The following FAM118B variants were observed in gnomAD, a reference collection of about 807,000 sequenced individuals.
FAM118B encodes the protein protein FAM118B.
A neutral mutation model predicts 38.5 loss-of-function variants in FAM118B; 24 were observed. The observed-to-expected ratio is 0.62, with a 90% CI of 0.45 to 0.88. FAM118B has a LOEUF of 0.88. Ranked by LOEUF, FAM118B falls within the 40% of genes least tolerant of loss-of-function variation. The pLI is 0.00. For missense variants in FAM118B, 334 were observed against 420.0 expected (o/e 0.80, Z 1.79); for synonymous variants, 138 against 156.3 (o/e 0.88, Z 0.87).
At chr11:126,231,322 G>A (rs181639626) in intron 2 of FAM118B, among the ~76,000 whole-genome samples, 144 of 152,224 alleles carry the variant, frequency 9.5e-4, no homozygotes, top group Non-Finnish European at 1.6e-3. Context: ...AAACTCAAAC[G>A]TGATCACATA....
At position 126,254,357 on chromosome 11, in the gene FAM118B, G is replaced by A; in HGVS notation, c.620G>A (p.Gly207Glu). ...KRKLSVLHIH[G>E]VYTNPSGIVL... ...AAGCTGAGCGTGTTGCATATTCACGGAGTCTACACCAACCCTAGTGGCATT... is the reference window on the plus strand; with the variant it reads ...AAGCTGAGCGTGTTGCATATTCACGAAGTCTACACCAACCCTAGTGGCATT... The change falls in exon 6 of 9, where the codon GGA becomes GAA. Residue 207 changes from glycine (G) to glutamate (E), a missense_variant. Physicochemically the swap from Gly to Glu is moderately conservative, Grantham distance 98. Coordinates refer to ENST00000533050, the MANE Select transcript of FAM118B (RefSeq NM_024556.4). 1 of 1,613,736 alleles carries A rather than the reference G, an allele frequency of 6.2e-7. No individual in the cohort carries two copies.
intron 3 of FAM118B, among the ~76,000 whole-genome samples, chr11:126,237,626 G>T (rs1950294706): frequency 7.1e-6 from 1 of 141,092 alleles, no homozygotes; most frequent in African/African-American, 2.6e-5. Flanking sequence ...CGTGAGGTCA[G>T]GAGATCGAGA....
chr11:126,256,461 G>C lies in FAM118B; in HGVS notation c.697-106G>C. 2 of 996,038 alleles carry C rather than the reference G, an allele frequency of 2.0e-6. No homozygotes were observed. Among genetic ancestry groups the C allele is most frequent in the Non-Finnish European group, 1.5e-6 (1 of 677,124 alleles). The allele number at this position is 996,038 out of a possible 1,614,324, so 61.7% of individuals were successfully genotyped here. ...GGACATACCAACCCACTTAAGTCTTGCTTAATTGGTCATCACAGTCTGCTC... is the reference window on the plus strand; with the variant it reads ...GGACATACCAACCCACTTAAGTCTTCCTTAATTGGTCATCACAGTCTGCTC... On this transcript the variant is annotated intron_variant, in intron 6 of 8. Transcript: ENST00000533050. The surrounding 1 kb of genome is among the most constrained non-coding windows in gnomAD (Gnocchi z 6.6).
chr11:126,226,535 C>T (rs1211855870), intron 1 of FAM118B, among the ~76,000 whole-genome samples: 1 of 152,242 alleles, frequency 6.6e-6, no homozygotes, highest in Non-Finnish European at 1.5e-5. Context: ...GGCCCTTCAG[C>T]AATTTAACAG....
At chr11:126,251,528 T>C (rs1216804132) in intron 5 of FAM118B, among the ~76,000 whole-genome samples, 3 of 152,194 alleles carry the variant, frequency 2.0e-5, no homozygotes, top group Non-Finnish European at 4.4e-5. Context: ...AGCTGCCCCA[T>C]GAAGACTAGT....
intron 2 of FAM118B, among the ~76,000 whole-genome samples, chr11:126,232,815 T>C (rs1256186068): frequency 3.3e-5 from 5 of 152,260 alleles, no homozygotes; most frequent in Non-Finnish European, 4.4e-5. Context: ...AAACACATTC[T>C]ACCCCTAGTT....
At chr11:126,245,209 G>A (rs1950404557) in intron 4 of FAM118B, 1 of 152,110 alleles carries the variant, frequency 6.6e-6, no homozygotes, top group South Asian at 2.1e-4. Flanking sequence ...AAACTCTCAT[G>A]CTGATCAGTA....
At chr11:126,241,840 G>C (rs896623561) in intron 4 of FAM118B, among the ~76,000 whole-genome samples, 1 of 152,026 alleles carries the variant, frequency 6.6e-6, no homozygotes, top group African/African-American at 2.4e-5. Context: ...ATGAGCCACT[G>C]CACCCAGCCT....
In FAM118B at chr11:126,250,064, A is replaced by G. The variant is rs1398346471; in HGVS notation, c.340-442A>G. On this transcript the variant is annotated intron_variant, in intron 4 of 8. Coordinates refer to ENST00000533050, the MANE Select transcript of FAM118B (RefSeq NM_024556.4). The surrounding 1 kb of genome is among the most constrained non-coding windows in gnomAD (Gnocchi z 5.1). ...ATCTCATCTTCCTTATTACGTTCGT[A>G]TGAGATAGATAATATTTTATCCCCG... Among the ~76,000 whole-genome samples, 1 of 151,374 alleles carries G rather than the reference A, an allele frequency of 6.6e-6. No homozygotes were observed. Among genetic ancestry groups the G allele is most frequent in the Non-Finnish European group, 1.5e-5 (1 of 67,922 alleles).
intron 6 of FAM118B, among the ~76,000 whole-genome samples, chr11:126,254,993 T>C (rs1475726564): frequency 6.6e-6 from 1 of 152,244 alleles, no homozygotes; most frequent in Non-Finnish European, 1.5e-5. Flanking sequence ...ATTGGCATCA[T>C]CTTCACATAC....
Position 126,256,451 on chromosome 11 carries a change from C to T in FAM118B, c.697-116C>T. 1.1e-6 allele frequency: 1 copy of T among 874,202 alleles called. No homozygotes were observed. Among genetic ancestry groups the T allele is most frequent in the Non-Finnish European group, 1.7e-6 (1 of 572,052 alleles). The allele number at this position is 874,202 out of a possible 1,614,324, so 54.2% of individuals were successfully genotyped here. A position where few individuals can be genotyped will look rare whatever the true frequency, so the allele number is the denominator to read the frequency against. ...CTCCTTGATGGGACATACCAACCCA[C>T]TTAAGTCTTGCTTAATTGGTCATCA... On this transcript the variant is annotated intron_variant, in intron 6 of 8. Transcript: ENST00000533050. This position sits in a 1 kb window ranked among gnomAD's most constrained non-coding sequence, Gnocchi z 6.6.
In FAM118B at chr11:126,250,031, C is replaced by T. The variant is rs1420140738; in HGVS notation, c.340-475C>T. Among the ~76,000 whole-genome samples, 1 of 151,734 alleles carries T rather than the reference C, an allele frequency of 6.6e-6. No individual in the cohort carries two copies. Among genetic ancestry groups the T allele is most frequent in the Non-Finnish European group, 1.5e-5 (1 of 67,980 alleles). On this transcript the variant is annotated intron_variant, in intron 4 of 8. Transcript: ENST00000533050. The surrounding 1 kb of genome is among the most constrained non-coding windows in gnomAD (Gnocchi z 5.1). ...GCTAAGCATTGTGCTAAGCACTTGG[C>T]ATGTATCATCTCATCTTCCTTATTA...
chr11:126,249,332 TG>T (rs1011099071), intron 4 of FAM118B, among the ~76,000 whole-genome samples: 3 of 152,242 alleles, frequency 2.0e-5, no homozygotes, highest in African/African-American at 7.2e-5. Context: ...TTTTGTATAC[TG>T]GATATTCTTC....
At chr11:126,236,686 A>G (rs772463497) in intron 3 of FAM118B, among the ~76,000 whole-genome samples, 2 of 150,950 alleles carry the variant, frequency 1.3e-5, no homozygotes, top group African/African-American at 2.4e-5. Flanking sequence ...TCTATTCCAC[A>G]TTTTTTTAAA....
At chr11:126,225,888 G>C (rs908720597) in intron 1 of FAM118B, among the ~76,000 whole-genome samples, 15 of 152,180 alleles carry the variant, frequency 9.9e-5, no homozygotes, top group Non-Finnish European at 2.1e-4. Flanking sequence ...GCTGAAGCAG[G>C]AGAACTGCTT....
intron 1 of FAM118B, among the ~76,000 whole-genome samples, chr11:126,215,653 C>T (rs1335640954): frequency 4.8e-5 from 7 of 144,920 alleles, no homozygotes; most frequent in Non-Finnish European, 4.5e-5. Flanking sequence ...GCCAAGATCG[C>T]GCCACTGCAT....
intron 4 of FAM118B, among the ~76,000 whole-genome samples, chr11:126,246,643 T>A (rs1950422805): frequency 6.6e-6 from 1 of 152,170 alleles, no homozygotes; most frequent in Non-Finnish European, 1.5e-5. Context: ...GGTCTCCCTG[T>A]GTTGCCCAGG....
intron 4 of FAM118B, among the ~76,000 whole-genome samples, chr11:126,245,978 A>G (rs1458234140): frequency 2.0e-5 from 3 of 151,094 alleles, no homozygotes; most frequent in Non-Finnish European, 2.9e-5. Flanking sequence ...CCTGGGCAAC[A>G]GGTACGAGAC....
At chr11:126,251,090 A>G (rs1294202361) in intron 5 of FAM118B, among the ~76,000 whole-genome samples, 1 of 152,146 alleles carries the variant, frequency 6.6e-6, no homozygotes, top group Non-Finnish European at 1.5e-5. Flanking sequence ...TATGGCATCT[A>G]TTGGAAATGT....
Sources: gnomAD v4.1 joint callset for allele counts (sites outside exome capture counted in the v4.1 genomes callset) on GRCh38, gnomAD v4.1.1 for gene constraint, Gnocchi (gnomAD v3.1) non-coding constraint, MANE v1.5 for transcripts, NCBI Gene and HGNC (gene_info 2026-07-23, HGNC 2026-07-21) for gene names.